Variants in PAMR1 observed in about 807,000 individuals in gnomAD.
The protein encoded by PAMR1 is inactive serine protease PAMR1.
Under a neutral mutation model 81.8 loss-of-function variants are expected in PAMR1, and 88 were observed. The observed-to-expected ratio is 1.08, with a 90% CI of 0.91 to 1.28. The LOEUF (loss-of-function observed/expected upper bound fraction) is 1.28. PAMR1 is among the 50% of genes most tolerant of loss of function. The pLI is 0.00. For missense variants in PAMR1, 935 were observed against 919.7 expected, an observed-to-expected ratio of 1.02 and a Z score of -0.21; for synonymous variants, 336 against 345.3, an observed-to-expected ratio of 0.97 and a Z score of 0.30.
intron 4 of PAMR1, among the ~76,000 whole-genome samples, chr11:35,473,490 C>T (rs575173463): frequency 6.6e-6 from 1 of 152,314 alleles, no homozygotes; most frequent in Admixed American, 6.5e-5. Flanking sequence ...CAGACCCAGC[C>T]TTGAGCTCAA....
intron 4 of PAMR1, among the ~76,000 whole-genome samples, chr11:35,473,720 C>G (rs1850231512): frequency 6.6e-6 from 1 of 152,088 alleles, no homozygotes; most frequent in Non-Finnish European, 1.5e-5. Flanking sequence ...ATTCAAGGAG[C>G]CAGGTAGCAT....
intron 1 of PAMR1, among the ~76,000 whole-genome samples, chr11:35,524,679 G>A (rs1851352246): frequency 6.6e-6 from 1 of 152,080 alleles, no homozygotes; most frequent in African/African-American, 2.4e-5. Context: ...TACCCCCTGG[G>A]CCATAGAAGG....
At chr11:35,493,960 G>A in intron 2 of PAMR1, 136 bp downstream of exon 2, 1 of 686,790 alleles carries the variant, frequency 1.5e-6, no homozygotes, top group Admixed American at 2.4e-5. Flanking sequence ...AGAATGGGCT[G>A]AATTGTGTCA....
At chr11:35,521,053 T>C (rs1010253499) in intron 1 of PAMR1, among the ~76,000 whole-genome samples, 4 of 152,220 alleles carry the variant, frequency 2.6e-5, no homozygotes, top group South Asian at 4.1e-4. Context: ...TCACCTCTGC[T>C]TCTGGGCTCC....
At chr11:35,525,034 G>C (rs1208947900) in intron 1 of PAMR1, among the ~76,000 whole-genome samples, 1 of 152,094 alleles carries the variant, frequency 6.6e-6, no homozygotes, top group Non-Finnish European at 1.5e-5. Flanking sequence ...GTAGGAGTTC[G>C]TGAAGCAAGA....
intron 6 of PAMR1, among the ~76,000 whole-genome samples, chr11:35,462,586 T>C (rs1055601756): frequency 1.2e-4 from 18 of 152,190 alleles, no homozygotes; most frequent in Non-Finnish European, 2.6e-4. Flanking sequence ...TAGTCCCTTA[T>C]CCAGGGAATC....
At chr11:35,499,219 C>T (rs1239763216) in intron 1 of PAMR1, among the ~76,000 whole-genome samples, 1 of 152,104 alleles carries the variant, frequency 6.6e-6, no homozygotes, top group Non-Finnish European at 1.5e-5. Context: ...GGGTGCCTTT[C>T]CTCCCACAGC....
intron 1 of PAMR1, among the ~76,000 whole-genome samples, chr11:35,498,142 T>C (rs575654983): frequency 6.6e-6 from 1 of 152,350 alleles, no homozygotes; most frequent in South Asian, 2.1e-4. Context: ...TGTAAATCCA[T>C]GTGGTATAGC....
chr11:35,519,702 C>T (rs923101807), intron 1 of PAMR1, among the ~76,000 whole-genome samples: 6 of 152,202 alleles, frequency 3.9e-5, no homozygotes, highest in Admixed American at 1.3e-4. Flanking sequence ...ATCCACTCCA[C>T]CTCCACAGAG....
intron 6 of PAMR1, among the ~76,000 whole-genome samples, chr11:35,452,601 TA>T (rs750070594): frequency 1.3e-5 from 2 of 152,218 alleles, no homozygotes; most frequent in African/African-American, 2.4e-5. Flanking sequence ...CTCTGGCTTA[TA>T]ACATTAAAAA....
chr11:35,519,093 C>T (rs924542695), intron 1 of PAMR1, among the ~76,000 whole-genome samples: 1 of 152,122 alleles, frequency 6.6e-6, no homozygotes, highest in Non-Finnish European at 1.5e-5. Context: ...TTATCCAACA[C>T]CAGAGAGAGA....
At chr11:35,487,397 T>C (rs1850531365) in intron 3 of PAMR1, among the ~76,000 whole-genome samples, 1 of 152,102 alleles carries the variant, frequency 6.6e-6, no homozygotes, top group Admixed American at 6.5e-5. Flanking sequence ...CTCTTTCTGA[T>C]TTCATGTCCT....
chr11:35,487,016 G>A (rs1247763882), intron 3 of PAMR1, among the ~76,000 whole-genome samples: 1 of 152,080 alleles, frequency 6.6e-6, no homozygotes, highest in Non-Finnish European at 1.5e-5. Context: ...GCACCTGTGT[G>A]TTTGGCTTGA....
intron 6 of PAMR1, among the ~76,000 whole-genome samples, chr11:35,450,493 G>C (rs1004747109): frequency 1.3e-5 from 2 of 152,212 alleles, no homozygotes; most frequent in African/African-American, 2.4e-5. Flanking sequence ...CAAAACTCCA[G>C]TGCTTACATT....
chr11:35,437,822 G>A (rs1371090491), intron 8 of PAMR1, among the ~76,000 whole-genome samples: 1 of 152,224 alleles, frequency 6.6e-6, no homozygotes, highest in African/African-American at 2.4e-5. Context: ...CCCACTTAGT[G>A]GAGAGTCCAG....
At chr11:35,524,995 G>A (rs1851358272) in intron 1 of PAMR1, among the ~76,000 whole-genome samples, 1 of 152,168 alleles carries the variant, frequency 6.6e-6, no homozygotes, top group Non-Finnish European at 1.5e-5. Flanking sequence ...AATCTCCTGT[G>A]CTTGGATCTA....
intron 1 of PAMR1, among the ~76,000 whole-genome samples, chr11:35,504,079 T>C (rs920599901): frequency 6.6e-6 from 1 of 152,170 alleles, no homozygotes; most frequent in African/African-American, 2.4e-5. Context: ...GTTTTTATCA[T>C]GAGGGGATGT....
intron 1 of PAMR1, among the ~76,000 whole-genome samples, chr11:35,510,196 C>T (rs568819820): frequency 3.3e-5 from 5 of 152,256 alleles, no homozygotes; most frequent in African/African-American, 9.6e-5. Flanking sequence ...AAATTCCCCA[C>T]ATACCCTCCC....
intron 6 of PAMR1, among the ~76,000 whole-genome samples, chr11:35,460,838 G>A (rs925283234): frequency 6.6e-6 from 1 of 152,178 alleles, no homozygotes; most frequent in Non-Finnish European, 1.5e-5. Context: ...CTAGTAATGG[G>A]ATGGCTGAGT....
Sources: gnomAD v4.1 joint callset for allele counts (sites outside exome capture counted in the v4.1 genomes callset) on GRCh38, gnomAD v4.1.1 for gene constraint, MANE v1.5 for transcripts, NCBI Gene and HGNC (gene_info 2026-07-23, HGNC 2026-07-21) for gene names.